Variants in MDH1B observed in about 807,000 individuals in gnomAD.
MDH1B encodes putative malate dehydrogenase 1B.
Under a neutral mutation model 61.4 loss-of-function variants are expected in MDH1B, and 60 were observed. The ratio of observed to expected loss-of-function variants is 0.98; its 90% CI spans 0.79 to 1.21. The LOEUF (loss-of-function observed/expected upper bound fraction) is 1.21, where lower values mean the gene tolerates loss of function less well. MDH1B is among the 50% of genes most tolerant of loss of function. MDH1B has a pLI of 0.00. For synonymous variants in MDH1B, 236 were observed against 218.7 expected (o/e 1.08, Z -0.70); for missense variants, 587 against 632.1 (o/e 0.93, Z 0.76).
chr2:206,757,464 G>T lies in MDH1B; in HGVS notation c.136-93C>A, dbSNP rs190289872. On this transcript the variant is annotated intron_variant, in intron 2 of 11. Transcript: ENST00000374412. The stretch of plus-strand genomic sequence containing the variant: ...AATTCAAACATTAAAATACTAGGTT[G>T]CTTTTAATGTCACTATATACACATA... 6.4e-6 allele frequency: 8 copies of T among 1,247,732 alleles called. No homozygotes were observed. The East Asian group carries it at 1.4e-4, about 22-fold the overall frequency. The allele number at this position is 1,247,732 out of a possible 1,614,324, so 77.3% of individuals were successfully genotyped here. A position where few individuals can be genotyped will look rare whatever the true frequency, so the allele number is the denominator to read the frequency against.
intron 4 of MDH1B, among the ~76,000 whole-genome samples, chr2:206,756,066 G>A (rs1021673447): frequency 6.6e-6 from 1 of 152,114 alleles, no homozygotes; most frequent in African/African-American, 2.4e-5. Context: ...GCTGTGAACT[G>A]TAATGCCCAC....
rs1339499785 is a variant in MDH1B, at chr2:206,742,908, G to T, written c.1409-1804C>A. ...GTTTTTGTATTTTTAGTAGAGACAG[G>T]GTTTCACCATGTTAGCCAGGATGGT... On this transcript the variant is annotated intron_variant, in intron 9 of 11. Transcript: ENST00000374412. Among the ~76,000 whole-genome samples the T allele has an allele frequency of 2.0e-5, 3 of 151,954 alleles. No individual in the cohort carries two copies. The East Asian group carries it at 5.8e-4, about 30-fold the overall frequency.
In MDH1B at chr2:206,741,101, T is replaced by G; in HGVS notation, c.1412A>C (p.His471Pro). 1 of 1,612,620 alleles carries G rather than the reference T, an allele frequency of 6.2e-7. No homozygotes were observed. The highest frequency in any genetic ancestry group is 8.5e-7 in the Non-Finnish European group (1 of 1,179,088). Reference sequence around the variant, plus strand: ...TTCTTCATCAGGGACCAGATCTTTATGTCCTGAAATCAAAATTAAATAAAA... The same window carrying G: ...TTCTTCATCAGGGACCAGATCTTTAGGTCCTGAAATCAAAATTAAATAAAA... ...KIHFQPYQSG[H>P]KDLVPDEEKN... The change falls in exon 10 of 12, where the codon CAT (histidine) becomes CCT (proline). Residue 471 changes from histidine to proline, a missense_variant. Coordinates refer to ENST00000374412, the MANE Select transcript of MDH1B (RefSeq NM_001039845.3).
At chr2:206,757,090 G>A (rs780573575) in intron 3 of MDH1B, 50 bp from the exon 4 acceptor site, 5 of 1,577,810 alleles carry the variant, frequency 3.2e-6, no homozygotes, top group Non-Finnish European at 4.3e-6. Context: ...ATAACTAGTT[G>A]AAATTGGCTA....
chr2:206,740,975 A>G (rs1313069288), intron 10 of MDH1B, 79 bp downstream of exon 10: 1 of 1,591,526 alleles, frequency 6.3e-7, no homozygotes. Flanking sequence ...CTAGACCATA[A>G]CATTATTCTC....
intron 7 of MDH1B, among the ~76,000 whole-genome samples, 191 bp from the exon 8 acceptor site, chr2:206,746,617 C>T (rs2302920): frequency 0.033 from 5,015 of 152,310 alleles, 111 homozygotes; most frequent in East Asian, 0.057. Context: ...GAGCGACTAT[C>T]CAAGTTCTAA....
chr2:206,764,356 G>T (rs1689298891), intron 1 of MDH1B, among the ~76,000 whole-genome samples: 1 of 151,830 alleles, frequency 6.6e-6, no homozygotes. Context: ...ATGCATCAAA[G>T]AGATCAAATA....
In MDH1B at chr2:206,757,261, A is replaced by G. The variant is rs1559347188; in HGVS notation, c.246T>C (p.Tyr82=). The G allele has an allele frequency of 6.2e-7, 1 of 1,613,938 alleles. No individual in the cohort carries two copies. The highest frequency in any genetic ancestry group is 8.5e-7 in the Non-Finnish European group (1 of 1,179,840). ...CCTGAGCATGCTCCAGGAACTCATT[A>G]TATCCTCCCAAAAGCAAACCCTTTC... ...RGGKGLLLGG[Y]NEFLEHAQLY... Residue 82 remains tyrosine, a synonymous_variant, in exon 3 of 12, where the codon TAT becomes TAC. Transcript: ENST00000374412.
chr2:206,755,309 C>T lies in MDH1B; in HGVS notation c.610G>A (p.Ala204Thr). Residue 204 changes from alanine to threonine, a missense_variant, in exon 5 of 12, where the codon GCC (alanine) becomes ACC (threonine). By Grantham distance (58) the Ala-to-Thr change is moderately conservative. Transcript: ENST00000374412. ...SVSICTKVEE[A>T]FRQAHVIVVL... ...ACAATGACGTGGGCCTGGCGGAAGG[C>T]CTCCTCCACCTTCGTGCAGATGGAG... 6.2e-7 allele frequency: 1 copy of T among 1,614,166 alleles called. No individual in the cohort carries two copies. Among genetic ancestry groups the T allele is most frequent in the South Asian group, 1.1e-5 (1 of 91,078 alleles).
In MDH1B at chr2:206,765,256, T is replaced by A. The variant is rs189787068; in HGVS notation, c.16A>T (p.Ile6Phe). Reference protein sequence around the residue: MAKFVIAGRADCPYYA... With the variant: MAKFVFAGRADCPYYA... Reference sequence around the variant, plus strand: ...GGACGCGGGGATCACTCACCCGCGATGACGAATTTGGCCATGGTCGAGAGA... The same window carrying A: ...GGACGCGGGGATCACTCACCCGCGAAGACGAATTTGGCCATGGTCGAGAGA... Residue 6 changes from isoleucine to phenylalanine, a missense_variant, in exon 1 of 12, where the codon ATC becomes TTC. Ile to Phe is a conservative substitution (Grantham distance 21, BLOSUM62 0). Transcript: ENST00000374412. 3 of 1,603,102 alleles carry A rather than the reference T, an allele frequency of 1.9e-6. No homozygotes were observed. The highest frequency in any genetic ancestry group is 1.3e-5 in the African/African-American group (1 of 74,180).
Position 206,740,273 on chromosome 2 carries a change from T to C in MDH1B, c.1460-612A>G, listed in dbSNP as rs550318026. Among the ~76,000 whole-genome samples the C allele has an allele frequency of 7.2e-5, 11 of 152,332 alleles. No individual in the cohort carries two copies. In the South Asian group the frequency reaches 2.1e-3, roughly 29 times the overall value. On this transcript the variant is annotated intron_variant, in intron 10 of 11. Coordinates refer to ENST00000374412, the MANE Select transcript of MDH1B (RefSeq NM_001039845.3). Reference sequence around the variant, plus strand: ...TTGCCAATAACAGTTGATTAACATATATTTTGTATGTTATATGTATCACAT... The same window carrying C: ...TTGCCAATAACAGTTGATTAACATACATTTTGTATGTTATATGTATCACAT...
Position 206,749,008 on chromosome 2 carries a change from A to G in MDH1B, c.1216+12T>C. 6.2e-7 allele frequency: 1 copy of G among 1,610,762 alleles called. No homozygotes were observed. Among genetic ancestry groups the G allele is most frequent in the African/African-American group, 1.3e-5 (1 of 74,866 alleles). On this transcript the variant is annotated intron_variant, in intron 7 of 11. Transcript: ENST00000374412. ...TTTAAGATTTTACAAGATATGAAAA[A>G]CCCAGATTTACCTTCACTCAATATT...
rs1403672676 is a variant in MDH1B, at chr2:206,738,045, G to A, written c.*438C>T. 2 of 153,146 alleles carry A rather than the reference G, an allele frequency of 1.3e-5. No individual in the cohort carries two copies. The highest frequency in any genetic ancestry group is 4.8e-5 in the African/African-American group (2 of 41,458). The allele number at this position is 153,146 out of a possible 1,614,324, so 9.5% of individuals were successfully genotyped here. A position where few individuals can be genotyped will look rare whatever the true frequency, so the allele number is the denominator to read the frequency against. ...GAGAGACAGAGAGAAAATATGATTG[G>A]TTCTCCTTGAGTGAAGTACATCTGT... On this transcript the variant is annotated 3_prime_UTR_variant, in exon 12 of 12. Coordinates refer to ENST00000374412, the MANE Select transcript of MDH1B (RefSeq NM_001039845.3).
At chr2:206,756,416 T>G (rs73983102) in intron 4 of MDH1B, among the ~76,000 whole-genome samples, 1 of 151,668 alleles carries the variant, frequency 6.6e-6, no homozygotes, top group African/African-American at 2.4e-5. Flanking sequence ...AGAGAGACAG[T>G]GCAGAGAAAG....
At chr2:206,752,995 C>A (rs937533075) in intron 5 of MDH1B, among the ~76,000 whole-genome samples, 1 of 151,166 alleles carries the variant, frequency 6.6e-6, no homozygotes, top group African/African-American at 2.4e-5. Context: ...CAAGCCTGGA[C>A]GAGGAGTTTG....
At chr2:206,745,589 C>A (rs1428233147) in intron 9 of MDH1B, 33 bp downstream of exon 9, 2 of 1,492,776 alleles carry the variant, frequency 1.3e-6, no homozygotes, top group East Asian at 4.5e-5. Flanking sequence ...CTTTTAATAG[C>A]AGTCCAATAA....
At chr2:206,758,688 C>T (rs953866387) in intron 2 of MDH1B, among the ~76,000 whole-genome samples, 1 of 152,000 alleles carries the variant, frequency 6.6e-6, no homozygotes, top group Non-Finnish European at 1.5e-5. Context: ...ATTGCTTGAA[C>T]CTGGGAGGCG....
intron 2 of MDH1B, among the ~76,000 whole-genome samples, chr2:206,758,366 A>C (rs957760751): frequency 6.6e-5 from 10 of 152,204 alleles, no homozygotes; most frequent in African/African-American, 2.4e-4. Flanking sequence ...AGGACCTCAG[A>C]AGACAGGGAC....
At chr2:206,744,106 A>C (rs1381852244) in intron 9 of MDH1B, among the ~76,000 whole-genome samples, 2 of 152,206 alleles carry the variant, frequency 1.3e-5, no homozygotes. Flanking sequence ...CTTTGGCCAC[A>C]TGAGCTTTTC....
Sources: gnomAD v4.1 joint callset for allele counts (sites outside exome capture counted in the v4.1 genomes callset) on GRCh38, gnomAD v4.1.1 for gene constraint, MANE v1.5 for transcripts, NCBI Gene and HGNC (gene_info 2026-07-23, HGNC 2026-07-21) for gene names.